MAN2A2: variants seen among roughly 807,000 people sequenced by gnomAD.
MAN2A2 encodes the protein mannosidase alpha class 2A member 2, also known as alpha-mannosidase 2x.
Under a neutral mutation model 126.8 loss-of-function variants are expected in MAN2A2, and 79 were observed. That is an observed-to-expected ratio of 0.62 (90% confidence interval 0.52 to 0.75). MAN2A2 has a LOEUF of 0.75. Among genes scored for constraint, MAN2A2 ranks in the 30% least tolerant of loss-of-function variants. MAN2A2 has a pLI of 0.00. For missense variants in MAN2A2, 1,392 were observed against 1,522.4 expected, an observed-to-expected ratio of 0.91 and a Z score of 1.43; for synonymous variants, 671 against 618.7, an observed-to-expected ratio of 1.08 and a Z score of -1.25.
Position 90,907,334 on chromosome 15 carries a change from C to G in MAN2A2, c.1035C>G (p.Phe345Leu). Residue 345 changes from phenylalanine to leucine, a missense_variant, in exon 8 of 23, where the codon TTC (phenylalanine) becomes TTG (leucine). By Grantham distance (22) the Phe-to-Leu change is conservative. Coordinates refer to ENST00000559717, the MANE Select transcript of MAN2A2 (RefSeq NM_006122.4). ...TWDSDSSTDI[F>L]CHMMPFYSYD... The stretch of plus-strand genomic sequence containing the variant: ...ACTCGGACTCCAGCACAGACATCTT[C>G]TGTCACATGATGCCCTTCTACAGCT... 1 of 1,614,056 alleles carries G rather than the reference C, an allele frequency of 6.2e-7. No individual in the cohort carries two copies. Among genetic ancestry groups the G allele is most frequent in the South Asian group, 1.1e-5 (1 of 91,092 alleles).
Position 90,922,065 on chromosome 15 carries a change from T to C in MAN2A2, c.*2278T>C, listed in dbSNP as rs1376346162. On this transcript the variant is annotated 3_prime_UTR_variant, in exon 23 of 23. Coordinates refer to ENST00000559717, the MANE Select transcript of MAN2A2 (RefSeq NM_006122.4). ...ACTTTAACATGAGACTTAAAAGATA[T>C]AATAAGGGAAAAGATAAGCAGATTT... is the stretch of plus-strand genomic sequence containing the variant. 6.6e-6 allele frequency: 1 copy of C among 152,134 alleles called. No individual in the cohort carries two copies. The highest frequency in any genetic ancestry group is 2.1e-4 in the South Asian group (1 of 4,826). The allele number at this position is 152,134 out of a possible 1,614,324, so 9.4% of individuals were successfully genotyped here.
intron 22 of MAN2A2, among the ~76,000 whole-genome samples, chr15:90,919,221 C>G (rs2035416742): frequency 1.3e-5 from 2 of 152,170 alleles, no homozygotes; most frequent in African/African-American, 4.8e-5. Flanking sequence ...CTCAGCAAGC[C>G]CGTGAGACTG....
At chr15:90,913,460 C>T (rs2034928339) in intron 18 of MAN2A2, 54 bp downstream of exon 18, 6 of 1,575,304 alleles carry the variant, frequency 3.8e-6, no homozygotes, top group South Asian at 3.4e-5. Context: ...TTGGACTCTG[C>T]TTTTGCCCCT....
At chr15:90,916,039 G>A in intron 19 of MAN2A2, 84 bp from the exon 20 acceptor site, 2 of 1,487,672 alleles carry the variant, frequency 1.3e-6, no homozygotes, top group Non-Finnish European at 1.8e-6. Context: ...TTCCGTCAGG[G>A]CCTGTGGCTT....
rs2035326916 is a variant in MAN2A2 at position 90,918,121 on chromosome 15, C to T, written c.2995-73C>T. On this transcript the variant is annotated intron_variant, in intron 20 of 22. Coordinates refer to ENST00000559717, the MANE Select transcript of MAN2A2 (RefSeq NM_006122.4). ...TTCCAAAACAACTGACCTGGGTGTG[C>T]TTTTATCCTGCCTCGTCCTCTCCCC... 3.5e-6 allele frequency: 5 copies of T among 1,433,080 alleles called. No homozygotes were observed. The African/African-American group carries it at 4.2e-5, about 12-fold the overall frequency. The allele number at this position is 1,433,080 out of a possible 1,614,324, so 88.8% of individuals were successfully genotyped here. A position where few individuals can be genotyped will look rare whatever the true frequency, so the allele number is the denominator to read the frequency against.
At chr15:90,916,017 C>G in intron 19 of MAN2A2, 106 bp from the exon 20 acceptor site, 1 of 1,325,712 alleles carries the variant, frequency 7.5e-7, no homozygotes, top group Non-Finnish European at 1.0e-6. Context: ...TTCTGTCTCT[C>G]GAGCTGCGCT....
At position 90,904,310 on chromosome 15, in the gene MAN2A2, C is replaced by T. The variant is rs749023505; in HGVS notation, c.103C>T (p.Arg35Ter). 2 of 1,614,104 alleles carry T rather than the reference C, an allele frequency of 1.2e-6. No individual in the cohort carries two copies. The highest frequency in any genetic ancestry group is 1.7e-6 in the Non-Finnish European group (2 of 1,180,002). The stretch of plus-strand genomic sequence containing the variant: ...GGACCGAGTGCAACACGATCCCACC[C>T]GACACCAGAATGGTGGGAACTTCCC... ...MLDRVQHDPT[R>*]HQNGGNFPRS... The change falls in exon 2 of 23, where the codon CGA becomes TGA. Residue 35 changes from arginine to a stop codon, truncating the protein, a stop_gained. Transcript: ENST00000559717. LOFTEE classifies it high-confidence loss of function.
intron 19 of MAN2A2, among the ~76,000 whole-genome samples, chr15:90,914,762 C>T (rs548110494): frequency 1.3e-5 from 2 of 152,264 alleles, no homozygotes; most frequent in South Asian, 2.1e-4. Flanking sequence ...TTGTGATCTG[C>T]CTGCCTCGGT....
intron 7 of MAN2A2, 58 bp from the exon 8 acceptor site, chr15:90,907,251 C>T: frequency 2.0e-6 from 3 of 1,530,132 alleles, no homozygotes; most frequent in East Asian, 2.3e-5. Context: ...CAGATCCTTG[C>T]CCCCCTGGCG....
In MAN2A2 at chr15:90,916,428, G is replaced by A. The variant is rs560394390; in HGVS notation, c.2994+172G>A. ...TCTGGCGTTTTGTGTCCCATCTCACGCAGCCTGGCACCTTCCTCTCCCAGC... is the reference window on the plus strand; with the variant it reads ...TCTGGCGTTTTGTGTCCCATCTCACACAGCCTGGCACCTTCCTCTCCCAGC... On this transcript the variant is annotated intron_variant, in intron 20 of 22. Transcript: ENST00000559717. 650 of 1,077,698 alleles carry A rather than the reference G, an allele frequency of 6.0e-4. 11 individuals are homozygous for A. In the South Asian group the frequency reaches 9.0e-3, roughly 15 times the overall value. 66.8% of individuals were successfully genotyped at this position (1,077,698 alleles called of 1,614,324 possible).
chr15:90,917,992 C>T (rs2035316698), intron 20 of MAN2A2: 1 of 580,838 alleles, frequency 1.7e-6, no homozygotes, highest in Non-Finnish European at 3.1e-6. Context: ...AGTGAAGTAG[C>T]CCTCTGCGTT....
chr15:90,914,369 C>T (rs1015702929), intron 19 of MAN2A2, among the ~76,000 whole-genome samples: 8 of 152,192 alleles, frequency 5.3e-5, no homozygotes, highest in Non-Finnish European at 1.2e-4. Context: ...AACAGTGGTT[C>T]TCAGCTGAGG....
At position 90,905,899 on chromosome 15, in the gene MAN2A2, A is replaced by G; in HGVS notation, c.590A>G (p.Asn197Ser). Residue 197 changes from asparagine to serine, a missense_variant, in exon 5 of 23, where the codon AAT becomes AGT. Physicochemically the swap from Asn to Ser is conservative, Grantham distance 46 (BLOSUM62 1). Transcript: ENST00000559717. ...ACAGAGCAGACCCAACACATCCTCAATAGCATGGTGTCTAAGCTGCAGGAG... is the reference window on the plus strand; with the variant it reads ...ACAGAGCAGACCCAACACATCCTCAGTAGCATGGTGTCTAAGCTGCAGGAG... The part of the protein sequence containing the change: ...YYTEQTQHIL[N>S]SMVSKLQEDP... The G allele has an allele frequency of 6.2e-7, 1 of 1,602,552 alleles. No individual in the cohort carries two copies.
chr15:90,912,030 C>G lies in MAN2A2; in HGVS notation c.2110-13C>G. The stretch of plus-strand genomic sequence containing the variant: ...GCCGTGCCCCCACTTCCTCACCCCT[C>G]CTGTGCCCACAGGTGTCTGTGCCTG... On this transcript the variant is annotated splice_polypyrimidine_tract_variant and intron_variant, in intron 14 of 22. Coordinates refer to ENST00000559717, the MANE Select transcript of MAN2A2 (RefSeq NM_006122.4). 6.2e-7 allele frequency: 1 copy of G among 1,606,032 alleles called. No individual in the cohort carries two copies. The highest frequency in any genetic ancestry group is 1.1e-5 in the South Asian group (1 of 90,782).
Position 90,912,032 on chromosome 15 carries a change from T to C in MAN2A2, c.2110-11T>C. On this transcript the variant is annotated splice_polypyrimidine_tract_variant and intron_variant, in intron 14 of 22. Transcript: ENST00000559717. ...CGTGCCCCCACTTCCTCACCCCTCC[T>C]GTGCCCACAGGTGTCTGTGCCTGTC... is the stretch of plus-strand genomic sequence containing the variant. 1.9e-6 allele frequency: 3 copies of C among 1,607,024 alleles called. No homozygotes were observed. The highest frequency in any genetic ancestry group is 2.6e-6 in the Non-Finnish European group (3 of 1,176,134).
At chr15:90,909,081 C>T (rs889510629) in intron 8 of MAN2A2, among the ~76,000 whole-genome samples, 1 of 152,042 alleles carries the variant, frequency 6.6e-6, no homozygotes, top group Non-Finnish European at 1.5e-5. Flanking sequence ...GCGGGAGTGT[C>T]AGAACCAGGA....
At chr15:90,907,533 G>C in intron 8 of MAN2A2, 38 bp downstream of exon 8, 1 of 1,584,140 alleles carries the variant, frequency 6.3e-7, no homozygotes, top group Non-Finnish European at 8.6e-7. Context: ...CAGAGGAATC[G>C]GGAGGCCTGG....
At chr15:90,912,342 C>T (rs2034820863) in intron 15 of MAN2A2, 63 bp downstream of exon 15, 2 of 1,585,844 alleles carry the variant, frequency 1.3e-6, no homozygotes, top group Non-Finnish European at 8.6e-7. Flanking sequence ...GGTGGTGGCA[C>T]TGTGCAGAGC....
chr15:90,906,383 G>T lies in MAN2A2; in HGVS notation c.721G>T (p.Gly241Trp), dbSNP rs142426842. 1.5e-5 allele frequency: 25 copies of T among 1,613,976 alleles called. No homozygotes were observed. Among genetic ancestry groups the T allele is most frequent in the Admixed American group, 1.0e-4 (6 of 59,998 alleles). ...RAAVRRLVGNGQLEIATGGWV... is the reference protein window; with the variant it reads ...RAAVRRLVGNWQLEIATGGWV... ...CCTTAACTATAGGCTGGTGGGAAAC[G>T]GGCAGCTGGAGATTGCGACAGGAGG... The change falls in exon 6 of 23, where the codon GGG becomes TGG. Residue 241 changes from glycine to tryptophan, a missense_variant. Transcript: ENST00000559717.
Sources: gnomAD v4.1 joint callset for allele counts (sites outside exome capture counted in the v4.1 genomes callset) on GRCh38, gnomAD v4.1.1 for gene constraint, MANE v1.5 for transcripts, NCBI Gene and HGNC (gene_info 2026-07-23, HGNC 2026-07-21) for gene names.